The following LILRA6 variants were observed in gnomAD, a reference collection of about 807,000 sequenced individuals.
LILRA6 encodes the protein leukocyte immunoglobulin-like receptor subfamily A member 6.
Under a neutral mutation model 53.9 loss-of-function variants are expected in LILRA6, and 16 were observed. The observed-to-expected ratio is 0.30, with a 90% CI of 0.20 to 0.45. The LOEUF is 0.45. Ranked by LOEUF, LILRA6 falls within the 20% of genes least tolerant of loss-of-function variation. The probability of loss-of-function intolerance (pLI) is 1.00; values close to 1 mark genes in which losing one functional copy is unlikely to be tolerated. For missense variants in LILRA6, 306 were observed against 618.6 expected (o/e 0.49, Z 5.36); for synonymous variants, 135 against 256.4 (o/e 0.53, Z 4.52).
chr19:54,242,151 G>A (rs2078782515), exon 3 of LILRA6: 4 of 1,407,416 alleles, frequency 2.8e-6, no homozygotes, highest in South Asian at 1.4e-5. Context: ...CTTGTTCTTG[G>A]GTTCCAGTGG....
chr19:54,241,198 C>T (rs2078755170), intron 4 of LILRA6, 71 bp from the exon 5 acceptor site: 4 of 1,399,168 alleles, frequency 2.9e-6, no homozygotes, highest in South Asian at 2.9e-5. Context: ...CCGTCCTGGC[C>T]CTGCAGGTCT....
At chr19:54,239,154 A>G in intron 7 of LILRA6, 65 bp from the exon 8 acceptor site, 15 of 1,603,022 alleles carry the variant, frequency 9.4e-6, no homozygotes, top group Non-Finnish European at 1.3e-5. Context: ...GGACCCCTGG[A>G]TGCCCAACCC....
At chr19:54,242,215 G>C (rs1209827613) in exon 3 of LILRA6, 1 of 1,422,954 alleles carries the variant, frequency 7.0e-7, no homozygotes, top group Non-Finnish European at 9.5e-7. Flanking sequence ...CGGTACTCCT[G>C]GGCCTCCAGG....
chr19:54,240,912 C>T (rs773808359), exon 5 of LILRA6: 21 of 1,613,972 alleles, frequency 1.3e-5, no homozygotes, highest in Non-Finnish European at 1.8e-5. Context: ...CTGTACTGGC[C>T]CCCGTGGGAG....
In LILRA6 at chr19:54,238,850, C is replaced by G. The variant is rs1216383915; in HGVS notation, c.*103G>C. ...CCACAGTGTGTGGCCTGAAATCTCA[C>G]CCCCCTCTGGAGGTCCTAGATTGTC... On this transcript the variant is annotated 3_prime_UTR_variant, in exon 8 of 8. Transcript: ENST00000396365. 2.0e-6 allele frequency: 3 copies of G among 1,516,278 alleles called. 1 individual carries two copies. The African/African-American group carries it at 4.4e-5, about 22-fold the overall frequency. The allele number at this position is 1,516,278 out of a possible 1,614,324, so 93.9% of individuals were successfully genotyped here.
At chr19:54,239,626 T>C (rs2078693135) in intron 7 of LILRA6, 9 of 1,368,158 alleles carry the variant, frequency 6.6e-6, no homozygotes, top group African/African-American at 1.5e-5. Context: ...GTCACTGGCC[T>C]GACCCTGGGG....
intron 7 of LILRA6, chr19:54,239,453 C>A: frequency 1.6e-6 from 1 of 623,758 alleles, no homozygotes; most frequent in South Asian, 2.2e-5. Flanking sequence ...AATTTCAACG[C>A]TGCTCCTGAG....
chr19:54,239,532 T>C (rs2078689913), intron 7 of LILRA6: 3 of 733,832 alleles, frequency 4.1e-6, no homozygotes, highest in Non-Finnish European at 6.6e-6. Context: ...CCCAGAGCTC[T>C]CCTGGGTGCA....
At chr19:54,238,052 G>A (rs1198513385), downstream of LILRA6, 9 of 139,232 alleles carry the variant, frequency 6.5e-5, no homozygotes, top group South Asian at 9.4e-4. Context: ...ATGAAGTCTC[G>A]TACTGTCACC....
chr19:54,241,875 G>C (rs1132593), exon 4 of LILRA6: 2 of 1,292,652 alleles, frequency 1.5e-6, no homozygotes, highest in Non-Finnish European at 2.1e-6. Flanking sequence ...TTTGCTATAG[G>C]CTCCTAGGAG....
intron 7 of LILRA6, chr19:54,239,580 G>C (rs1242998842): frequency 1.9e-6 from 2 of 1,050,800 alleles, no homozygotes; most frequent in Non-Finnish European, 2.8e-6. Context: ...AGAGGACAGG[G>C]TCAGGGCCCT....
Position 54,242,079 on chromosome 19 carries a change from TA to T in LILRA6, c.301del (p.Tyr101ThrfsTer16). On this transcript the variant is annotated frameshift_variant, in exon 3 of 8. Transcript: ENST00000396365. LOFTEE classifies it high-confidence loss of function. Reference sequence around the variant, plus strand: ...GGGCTCTGACCAGCCTGCAGAGCTGTAATAGTGGCAGCGGTATCTCCCCGCA... The same window carrying T: ...GGGCTCTGACCAGCCTGCAGAGCTGTATAGTGGCAGCGGTATCTCCCCGCA... 1 of 1,403,398 alleles carries T rather than the reference TA, an allele frequency of 7.1e-7. No homozygotes were observed. The highest frequency in any genetic ancestry group is 1.7e-5 in the African/African-American group (1 of 57,764). The allele number at this position is 1,403,398 out of a possible 1,614,324, so 86.9% of individuals were successfully genotyped here. A position where few individuals can be genotyped will look rare whatever the true frequency, so the allele number is the denominator to read the frequency against.
rs201712177 is a variant in LILRA6, at chr19:54,240,911, C to T, written c.875G>A (p.Gly292Asp). 2.1e-4 allele frequency: 347 copies of T among 1,614,062 alleles called. 3 individuals are homozygous for T. In the East Asian group the frequency reaches 6.5e-3, roughly 30 times the overall value. The change falls in exon 5 of 8, where the codon GGC (glycine) becomes GAC (aspartate). Residue 292 changes from glycine (G) to aspartate (D), a missense_variant. Gly to Asp is a moderately conservative substitution (Grantham distance 94, BLOSUM62 -1). This residue lies in a region of LILRA6 where 106 missense variants were observed against 196.8 expected (regional missense o/e 0.54). Coordinates refer to ENST00000396365, the Ensembl canonical transcript of LILRA6. ...GTGTGCACCATAGCACCTGTACTGG[C>T]CCCCGTGGGAGGGGCTCACAGGGCC... is the stretch of plus-strand genomic sequence containing the variant.
At chr19:54,240,406 T>C (rs1600984339) in exon 6 of LILRA6, 1 of 1,608,308 alleles carries the variant, frequency 6.2e-7, no homozygotes, top group Non-Finnish European at 8.5e-7. Flanking sequence ...GCCTGGTACT[T>C]ATGAGCTCCG....
At chr19:54,240,245 C>A in intron 6 of LILRA6, 29 bp downstream of exon 6, 1 of 1,599,414 alleles carries the variant, frequency 6.3e-7, no homozygotes, top group Non-Finnish European at 8.5e-7. Flanking sequence ...AGCCTTTGAG[C>A]TCAGAGAGGA....
exon 4 of LILRA6, chr19:54,241,621 G>C (rs1052973): frequency 1.3e-6 from 2 of 1,487,870 alleles, no homozygotes; most frequent in Non-Finnish European, 1.8e-6. Flanking sequence ...GACCACACCC[G>C]GGGGGTGTTC....
chr19:54,237,838 G>A (rs971807200), downstream of LILRA6: 2 of 150,682 alleles, frequency 1.3e-5, no homozygotes. Flanking sequence ...CGGCCTCGTA[G>A]TATCCCTTGG....
At chr19:54,239,231 G>GA (rs1297296181) in intron 7 of LILRA6, 142 bp from the exon 8 acceptor site, 33 of 1,543,616 alleles carry the variant, frequency 2.1e-5, no homozygotes, top group Non-Finnish European at 2.9e-5. Context: ...TGTCTGACTT[G>GA]TTTTGTGATG....
exon 5 of LILRA6, chr19:54,241,001 C>T (rs376264079): frequency 2.2e-4 from 359 of 1,613,550 alleles, no homozygotes; most frequent in Non-Finnish European, 1.6e-4. Flanking sequence ...GAGGAAGTCA[C>T]GTTCCCCCTC....
Sources: gnomAD v4.1 joint callset for allele counts on GRCh38, gnomAD v4.1.1 for gene constraint, gnomAD v4.1.1 regional missense constraint, MANE v1.5 for transcripts, NCBI Gene and HGNC (gene_info 2026-07-23, HGNC 2026-07-21) for gene names.